The following ERI1 variants were observed in gnomAD, a reference collection of about 807,000 sequenced individuals.
ERI1 encodes the protein exoribonuclease 1.
ERI1 carries 39 observed loss-of-function variants against 39.7 expected under a neutral mutation model. The ratio of observed to expected loss-of-function variants is 0.98; its 90% confidence interval spans 0.76 to 1.28. ERI1 has a LOEUF of 1.28. Ranked by LOEUF, ERI1 falls within the 50% of genes most tolerant of loss-of-function variation. The pLI, the probability that ERI1 is intolerant of heterozygous loss-of-function variation, is 0.00. For synonymous variants in ERI1, 204 were observed against 149.6 expected, an observed-to-expected ratio of 1.36 and a Z score of -2.65; for missense variants, 581 against 416.9, an observed-to-expected ratio of 1.39 and a Z score of -3.43.
intron 1 of ERI1, among the ~76,000 whole-genome samples, chr8:9,005,602 C>G (rs1315757863): frequency 6.6e-6 from 1 of 151,420 alleles, no homozygotes; most frequent in Non-Finnish European, 1.5e-5. Context: ...GCAAGCTCCG[C>G]CTCACGGGTT....
intron 5 of ERI1, among the ~76,000 whole-genome samples, chr8:9,019,637 A>G (rs1010412975): frequency 1.3e-5 from 2 of 152,220 alleles, no homozygotes; most frequent in East Asian, 1.9e-4. Context: ...GCGTCAAAGT[A>G]TATGAAAATT....
chr8:9,029,449 C>G (rs1440279719), intron 6 of ERI1, among the ~76,000 whole-genome samples: 2 of 152,140 alleles, frequency 1.3e-5, no homozygotes, highest in Admixed American at 6.5e-5. Context: ...CTGCCTCAGC[C>G]TCCCAGGTAG....
At chr8:9,008,823 A>G (rs917996064) in intron 2 of ERI1, among the ~76,000 whole-genome samples, 3 of 152,236 alleles carry the variant, frequency 2.0e-5, no homozygotes, top group African/African-American at 7.2e-5. Context: ...CCAGGCATCA[A>G]GAAAAAAAAT....
chr8:9,047,897 G>A (rs562000497), intron 3 of ERI1, among the ~76,000 whole-genome samples: 1 of 152,348 alleles, frequency 6.6e-6, no homozygotes, highest in East Asian at 1.9e-4. Context: ...CAGGCACCAT[G>A]CCAGGTGTTC....
At chr8:9,034,058 T>G (rs181248719), downstream of ERI1, among the ~76,000 whole-genome samples, 10 of 152,338 alleles carry the variant, frequency 6.6e-5, no homozygotes, top group East Asian at 1.9e-3. Context: ...CTCCATGTTC[T>G]TGAGATTAGA....
intron 3 of ERI1, among the ~76,000 whole-genome samples, chr8:9,041,340 G>A (rs1798011180): frequency 6.6e-6 from 1 of 152,162 alleles, no homozygotes; most frequent in Admixed American, 6.5e-5. Flanking sequence ...AGGTAGGAGA[G>A]TAGGAGGGGG....
chr8:9,068,562 A>G (rs1195445383), intron 3 of ERI1, among the ~76,000 whole-genome samples: 1 of 152,098 alleles, frequency 6.6e-6, no homozygotes, highest in Non-Finnish European at 1.5e-5. Flanking sequence ...GCCAATTGCC[A>G]TAGGGGTCTT....
At chr8:9,083,193 C>T (rs1263096341) in intron 3 of ERI1, among the ~76,000 whole-genome samples, 2 of 152,182 alleles carry the variant, frequency 1.3e-5, no homozygotes, top group African/African-American at 4.8e-5. Flanking sequence ...CAGGGGGAAG[C>T]AAAGTCAATG....
intron 3 of ERI1, among the ~76,000 whole-genome samples, chr8:9,094,852 T>C (rs986039437): frequency 1.3e-5 from 2 of 152,202 alleles, no homozygotes; most frequent in African/African-American, 2.4e-5. Flanking sequence ...AGATTTTTCC[T>C]ATTTTTTAAA....
At position 9,076,767 on chromosome 8, in the gene ERI1, C is replaced by G. The variant is rs536921451; in HGVS notation, n.300-39581C>G. 2.0e-5 allele frequency among the ~76,000 whole-genome samples: 3 copies of G among 152,302 alleles called. No homozygotes were observed. In the East Asian group the frequency reaches 5.8e-4, roughly 29 times the overall value. On this transcript the variant is annotated intron_variant and non_coding_transcript_variant, in intron 3 of 3. Coordinates refer to the ERI1 transcript ENST00000518663. Reference sequence around the variant, plus strand: ...ACAAGAAGAGAAATCTGAATGAGGACAGGAGGGCTGCCAAGAATCTTTAGG... The same window carrying G: ...ACAAGAAGAGAAATCTGAATGAGGAGAGGAGGGCTGCCAAGAATCTTTAGG...
At chr8:9,015,210 A>G (rs1033395219) in intron 3 of ERI1, among the ~76,000 whole-genome samples, 2 of 152,160 alleles carry the variant, frequency 1.3e-5, no homozygotes, top group African/African-American at 4.8e-5. Flanking sequence ...CATCCACTTA[A>G]TAGATTAGTA....
intron 6 of ERI1, among the ~76,000 whole-genome samples, chr8:9,027,312 A>T (rs2117287305): frequency 1.3e-5 from 2 of 152,248 alleles, no homozygotes; most frequent in South Asian, 4.1e-4. Flanking sequence ...AGAAATGTCT[A>T]TTCAGATTCT....
intron 3 of ERI1, among the ~76,000 whole-genome samples, chr8:9,043,858 A>G (rs1488891821): frequency 2.0e-5 from 3 of 152,234 alleles, no homozygotes; most frequent in Admixed American, 6.5e-5. Context: ...TATATTCAAC[A>G]AAGAAATATT....
At chr8:9,058,192 C>T (rs1323455893) in intron 3 of ERI1, among the ~76,000 whole-genome samples, 2 of 152,164 alleles carry the variant, frequency 1.3e-5, no homozygotes, top group African/African-American at 4.8e-5. Flanking sequence ...AGAGCCCTCA[C>T]GTGGCCCTGG....
intron 5 of ERI1, 36 bp downstream of exon 5, chr8:9,018,442 T>C: frequency 8.4e-7 from 1 of 1,196,874 alleles, no homozygotes; most frequent in African/African-American, 1.5e-5. Context: ...TTATATCTAC[T>C]TTTTAAAGAT....
At chr8:9,085,349 C>T (rs1263733299) in intron 3 of ERI1, among the ~76,000 whole-genome samples, 1 of 152,070 alleles carries the variant, frequency 6.6e-6, no homozygotes, top group Non-Finnish European at 1.5e-5. Context: ...GATGAGATTA[C>T]AGGCTTATAC....
intron 3 of ERI1, among the ~76,000 whole-genome samples, chr8:9,054,685 G>A (rs1306295649): frequency 6.6e-6 from 1 of 152,376 alleles, no homozygotes; most frequent in South Asian, 2.1e-4. Context: ...AGCACTTTGG[G>A]AGGCCAAGGG....
chr8:9,009,592 T>G (rs1816447188), intron 2 of ERI1, among the ~76,000 whole-genome samples: 1 of 152,088 alleles, frequency 6.6e-6, no homozygotes, highest in Non-Finnish European at 1.5e-5. Context: ...CAGGCTGGAG[T>G]GCAGTGGTGT....
At chr8:9,079,312 A>T (rs1042064771) in intron 3 of ERI1, among the ~76,000 whole-genome samples, 3 of 152,198 alleles carry the variant, frequency 2.0e-5, no homozygotes, top group African/African-American at 7.2e-5. Context: ...AAGAGCTTTG[A>T]GTTCCTGTGA....
Sources: gnomAD v4.1 joint callset for allele counts (sites outside exome capture counted in the v4.1 genomes callset) on GRCh38, gnomAD v4.1.1 for gene constraint, MANE v1.5 for transcripts, NCBI Gene and HGNC (gene_info 2026-07-23, HGNC 2026-07-21) for gene names.